Variants in MGAT5 observed in about 807,000 individuals in gnomAD.
The protein encoded by MGAT5 is alpha-1,6-mannosylglycoprotein 6-beta-N-acetylglucosaminyltransferase A.
Under a neutral mutation model 94.3 loss-of-function variants are expected in MGAT5, and 30 were observed. That is an observed-to-expected ratio of 0.32 (90% confidence interval 0.24 to 0.43). The LOEUF (loss-of-function observed/expected upper bound fraction) is 0.43, where lower values mean the gene tolerates loss of function less well. Ranked by LOEUF, MGAT5 falls within the 20% of genes least tolerant of loss-of-function variation. The pLI is 1.00. For synonymous variants in MGAT5, 310 were observed against 322.9 expected, an observed-to-expected ratio of 0.96 and a Z score of 0.43; for missense variants, 691 against 905.5, an observed-to-expected ratio of 0.76 and a Z score of 3.04.
intron 4 of MGAT5, among the ~76,000 whole-genome samples, chr2:134,328,482 T>C (rs1687773545): frequency 6.6e-6 from 1 of 152,094 alleles, no homozygotes; most frequent in Non-Finnish European, 1.5e-5. Flanking sequence ...TAAAGTCTGC[T>C]TTGCCTCCCT....
chr2:134,148,584 G>A (rs1288793290), intron 1 of MGAT5, among the ~76,000 whole-genome samples: 2 of 152,142 alleles, frequency 1.3e-5, no homozygotes, highest in Non-Finnish European at 2.9e-5. Context: ...AACTATTGCT[G>A]ACAAGTTTTG....
At chr2:134,146,394 C>CA (rs149224854) in intron 1 of MGAT5, among the ~76,000 whole-genome samples, 28,315 of 151,026 alleles carry the variant, frequency 0.19, 2,763 homozygotes, top group Non-Finnish European at 0.22. Flanking sequence ...CTCGTCTCTA[C>CA]AAAAAAAATA....
intron 1 of MGAT5, among the ~76,000 whole-genome samples, chr2:134,260,284 G>A (rs557546249): frequency 1.3e-5 from 2 of 152,354 alleles, no homozygotes; most frequent in Admixed American, 1.3e-4. Flanking sequence ...GAGGAAGGAA[G>A]TTTTTTCCTT....
In MGAT5 at chr2:134,255,825, T is replaced by C. The variant is rs1169590210; in HGVS notation, c.241+1181T>C. 3.3e-5 allele frequency among the ~76,000 whole-genome samples: 5 copies of C among 152,242 alleles called. No individual in the cohort carries two copies. The East Asian group carries it at 5.8e-4, about 18-fold the overall frequency. On this transcript the variant is annotated intron_variant, in intron 1 of 15. Transcript: ENST00000281923. ...GATTTCAAATCGTGATTCCCAAAAA[T>C]GTGCAGCAACAGTTCAGTTCAGTGC...
chr2:134,274,854 A>C lies in MGAT5; in HGVS notation c.406+4304A>C, dbSNP rs560408705. Among the ~76,000 whole-genome samples, 5 of 152,352 alleles carry C rather than the reference A, an allele frequency of 3.3e-5. 1 individual carries two copies. The South Asian group carries it at 1.0e-3, about 32-fold the overall frequency. On this transcript the variant is annotated intron_variant, in intron 2 of 15. Transcript: ENST00000281923. ...TTTCCAAAGTGGGGAGCGATATGCA[A>C]CACTTTCTAGTATTTGGGGTTGAAG...
At chr2:134,204,784 A>T (rs1679952573) in intron 1 of MGAT5, among the ~76,000 whole-genome samples, 1 of 152,176 alleles carries the variant, frequency 6.6e-6, no homozygotes, top group Admixed American at 6.5e-5. Flanking sequence ...ATACTATGGG[A>T]AAAGCCCTGC....
chr2:134,127,492 GT>G (rs35719992), intron 1 of MGAT5, among the ~76,000 whole-genome samples: 8,436 of 143,154 alleles, frequency 0.059, 733 homozygotes, highest in East Asian at 0.24. Context: ...CAAGGAAAAG[GT>G]TTCCCCCCCC....
rs1413895092 is a variant in MGAT5 at position 134,453,085 on chromosome 2, A to G, written c.*4238A>G. 6.6e-6 allele frequency: 1 copy of G among 152,266 alleles called. No individual in the cohort carries two copies. Among genetic ancestry groups the G allele is most frequent in the Non-Finnish European group, 1.5e-5 (1 of 68,040 alleles). 9.4% of individuals were successfully genotyped at this position (152,266 alleles called of 1,614,324 possible). A position where few individuals can be genotyped will look rare whatever the true frequency, so the allele number is the denominator to read the frequency against. On this transcript the variant is annotated 3_prime_UTR_variant, in exon 16 of 16. Coordinates refer to ENST00000281923, the MANE Select transcript of MGAT5 (RefSeq NM_002410.5). ...CAGTGCTTGGCACATAGTAAGCCCT[A>G]GTAAATGTTAAATATTGTTATTAGT...
At chr2:134,332,563 G>A (rs550777272) in intron 4 of MGAT5, among the ~76,000 whole-genome samples, 1 of 152,250 alleles carries the variant, frequency 6.6e-6, no homozygotes, top group South Asian at 2.1e-4. Context: ...AAAAGCAATG[G>A]CAACAAAAGC....
intron 1 of MGAT5, among the ~76,000 whole-genome samples, chr2:134,187,279 A>G (rs1257178): frequency 0.36 from 54,404 of 151,990 alleles, 9,863 homozygotes; most frequent in Middle Eastern, 0.51. Flanking sequence ...TTCCGCTTGC[A>G]TGGAGAATTG....
chr2:134,406,625 G>A (rs991395839), intron 11 of MGAT5, among the ~76,000 whole-genome samples: 1 of 151,948 alleles, frequency 6.6e-6, no homozygotes, highest in Non-Finnish European at 1.5e-5. Context: ...GCTCACATCT[G>A]TAATCTTAGC....
intron 1 of MGAT5, among the ~76,000 whole-genome samples, chr2:134,162,208 A>G (rs975995166): frequency 3.3e-4 from 50 of 152,058 alleles, no homozygotes; most frequent in African/African-American, 1.2e-3. Context: ...ACAAAAACAA[A>G]ATACACCTGC....
chr2:134,402,476 T>G (rs62170198), intron 10 of MGAT5, among the ~76,000 whole-genome samples: 1 of 152,010 alleles, frequency 6.6e-6, no homozygotes, highest in Non-Finnish European at 1.5e-5. Context: ...TCTGACAACA[T>G]GAGTTAATCA....
In MGAT5 at chr2:134,270,566, C is replaced by A; in HGVS notation, c.406+16C>A. 1 of 1,613,616 alleles carries A rather than the reference C, an allele frequency of 6.2e-7. No individual in the cohort carries two copies. The highest frequency in any genetic ancestry group is 8.5e-7 in the Non-Finnish European group (1 of 1,179,606). On this transcript the variant is annotated intron_variant, in intron 2 of 15. Coordinates refer to ENST00000281923, the MANE Select transcript of MGAT5 (RefSeq NM_002410.5). ...AATGTGGCAGGTAAAAATAGCAATTCTCTGCCCTGATATGGAGTCACACCC... is the reference window on the plus strand; with the variant it reads ...AATGTGGCAGGTAAAAATAGCAATTATCTGCCCTGATATGGAGTCACACCC...
chr2:134,273,760 C>A (rs767734336), intron 2 of MGAT5, among the ~76,000 whole-genome samples: 2 of 151,712 alleles, frequency 1.3e-5, no homozygotes, highest in African/African-American at 4.8e-5. Context: ...TAAATTTGCC[C>A]CTAGGGAAAT....
chr2:134,232,531 C>T (rs1425133136), intron 1 of MGAT5, among the ~76,000 whole-genome samples: 1 of 152,120 alleles, frequency 6.6e-6, no homozygotes, highest in East Asian at 1.9e-4. Flanking sequence ...GCTTAGAAAA[C>T]AATTTATTTT....
At chr2:134,235,998 G>A (rs1681620347) in intron 1 of MGAT5, among the ~76,000 whole-genome samples, 1 of 152,100 alleles carries the variant, frequency 6.6e-6, no homozygotes, top group Non-Finnish European at 1.5e-5. Context: ...CTGAAGTAGT[G>A]AAAACATCCA....
At chr2:134,301,869 G>A (rs969741862) in intron 2 of MGAT5, among the ~76,000 whole-genome samples, 1 of 152,174 alleles carries the variant, frequency 6.6e-6, no homozygotes, top group Non-Finnish European at 1.5e-5. Flanking sequence ...CAGCCTTGGA[G>A]TATGGATATT....
chr2:134,327,883 A>G (rs1687731895), intron 4 of MGAT5, among the ~76,000 whole-genome samples: 1 of 152,174 alleles, frequency 6.6e-6, no homozygotes, highest in Admixed American at 6.6e-5. Flanking sequence ...AAAAAGAGCT[A>G]TATCATTGTT....
Sources: allele counts gnomAD v4.1 joint callset (sites outside exome capture counted in the v4.1 genomes callset), GRCh38; gene constraint gnomAD v4.1.1; transcripts MANE v1.5; gene names NCBI Gene and HGNC (gene_info 2026-07-23, HGNC 2026-07-21).